Variants in CFAP52 observed in about 807,000 individuals in gnomAD.
The protein encoded by CFAP52 is cilia- and flagella-associated protein 52.
A neutral mutation model predicts 70.5 loss-of-function variants in CFAP52; 57 were observed. The ratio of observed to expected loss-of-function variants is 0.81; its 90% CI spans 0.65 to 1.01. CFAP52 has a LOEUF of 1.01. Ranked by LOEUF, CFAP52 falls within the 50% of genes least tolerant of loss-of-function variation. The pLI is 0.00. For synonymous variants in CFAP52, 267 were observed against 292.5 expected, an observed-to-expected ratio of 0.91 and a Z score of 0.89; for missense variants, 785 against 788.5, an observed-to-expected ratio of 1.00 and a Z score of 0.05.
intron 1 of CFAP52, among the ~76,000 whole-genome samples, chr17:9,580,880 A>G (rs7503761): frequency 0.77 from 116,798 of 152,184 alleles, 45,758 homozygotes; most frequent in East Asian, 0.99. Flanking sequence ...TTCTTAATGA[A>G]GATAATCTTT....
intron 7 of CFAP52, among the ~76,000 whole-genome samples, chr17:9,608,850 T>TG (rs1293703578): frequency 3.9e-5 from 6 of 152,238 alleles, no homozygotes; most frequent in African/African-American, 1.4e-4. Flanking sequence ...CTATGGTCTT[T>TG]GTCCTCCCAG....
At chr17:9,597,232 A>G (rs1325820351) in intron 4 of CFAP52, among the ~76,000 whole-genome samples, 2 of 152,202 alleles carry the variant, frequency 1.3e-5, no homozygotes, top group Non-Finnish European at 2.9e-5. Flanking sequence ...GTCACAAATG[A>G]CAGAATTTCT....
chr17:9,640,405 C>T (rs1057417194), intron 12 of CFAP52, among the ~76,000 whole-genome samples: 1 of 151,280 alleles, frequency 6.6e-6, no homozygotes, highest in Non-Finnish European at 1.5e-5. Flanking sequence ...CACCCACCAC[C>T]CCCCGACAGG....
rs80018635 is a variant in CFAP52 at position 9,578,346 on chromosome 17, C to T, written c.70+1581C>T. 9.7e-3 allele frequency among the ~76,000 whole-genome samples: 1,475 copies of T among 152,224 alleles called. 32 individuals are homozygous for T. Among genetic ancestry groups the T allele is most frequent in the African/African-American group, 0.033 (1,382 of 41,532 alleles). On this transcript the variant is annotated intron_variant, in intron 1 of 13. Transcript: ENST00000352665. ...CTCAGTAAACTGGCCAGAGGTAGTC[C>T]GTGGTGAGTGGTCTTCTTGCCAGGA...
At chr17:9,580,768 G>A (rs1448451340) in intron 1 of CFAP52, among the ~76,000 whole-genome samples, 1 of 138,514 alleles carries the variant, frequency 7.2e-6, no homozygotes, top group Non-Finnish European at 1.6e-5. Flanking sequence ...GAAAAAAAAA[G>A]GGTAATATAA....
chr17:9,637,558 G>A (rs1910867313), intron 11 of CFAP52, among the ~76,000 whole-genome samples: 1 of 152,188 alleles, frequency 6.6e-6, no homozygotes, highest in Non-Finnish European at 1.5e-5. Flanking sequence ...ATCTAAGGCA[G>A]GGGTTCTATT....
chr17:9,625,882 G>A (rs557486040), intron 8 of CFAP52, among the ~76,000 whole-genome samples: 9 of 152,248 alleles, frequency 5.9e-5, no homozygotes, highest in Admixed American at 5.9e-4. Flanking sequence ...ATACTTTTGA[G>A]CCCAGTTTTT....
chr17:9,596,764 G>A (rs1186822249), intron 4 of CFAP52, among the ~76,000 whole-genome samples: 2 of 151,490 alleles, frequency 1.3e-5, no homozygotes, highest in African/African-American at 2.4e-5. Context: ...TGCCAAGGCT[G>A]TAGTGCAGTG....
chr17:9,589,732 CAAAAA>C (rs33978485), intron 3 of CFAP52, among the ~76,000 whole-genome samples: 4 of 127,498 alleles, frequency 3.1e-5, no homozygotes, highest in African/African-American at 6.3e-5. Context: ...GACTCCGTCT[CAAAAA>C]AAAAAAAAAA....
intron 10 of CFAP52, among the ~76,000 whole-genome samples, chr17:9,633,574 T>C (rs892977391): frequency 1.3e-5 from 2 of 152,198 alleles, no homozygotes; most frequent in Non-Finnish European, 2.9e-5. Flanking sequence ...AAGTGTTCTA[T>C]GTGGACTAGA....
intron 7 of CFAP52, among the ~76,000 whole-genome samples, chr17:9,609,275 C>T (rs540077246): frequency 3.3e-5 from 5 of 152,020 alleles, no homozygotes; most frequent in Non-Finnish European, 7.4e-5. Flanking sequence ...AGCTTACATT[C>T]TAGCAGGAAG....
intron 8 of CFAP52, among the ~76,000 whole-genome samples, chr17:9,614,907 T>C (rs994318320): frequency 6.6e-6 from 1 of 152,216 alleles, no homozygotes; most frequent in African/African-American, 2.4e-5. Flanking sequence ...TTACTACTGA[T>C]GCAATTTTGT....
chr17:9,587,991 C>T (rs1908570774), intron 3 of CFAP52, among the ~76,000 whole-genome samples: 1 of 152,168 alleles, frequency 6.6e-6, no homozygotes, highest in African/African-American at 2.4e-5. Flanking sequence ...GGTGTACCTT[C>T]CAAGAGTCCG....
chr17:9,578,098 T>A (rs1313783331), intron 1 of CFAP52, among the ~76,000 whole-genome samples: 1 of 151,924 alleles, frequency 6.6e-6, no homozygotes, highest in African/African-American at 2.4e-5. Context: ...TCTCAAAAAA[T>A]AAATAAATAA....
At chr17:9,589,319 C>T (rs374603537) in intron 3 of CFAP52, among the ~76,000 whole-genome samples, 89 of 152,190 alleles carry the variant, frequency 5.8e-4, no homozygotes, top group African/African-American at 2.0e-3. Context: ...AGTTATATAA[C>T]GATAGTTCTT....
At chr17:9,602,458 TC>T (rs1909313973) in intron 6 of CFAP52, among the ~76,000 whole-genome samples, 1 of 152,162 alleles carries the variant, frequency 6.6e-6, no homozygotes. Flanking sequence ...ATGAACTCAT[TC>T]TTTTTTATGG....
At chr17:9,585,669 T>TCACA (rs371551896) in intron 1 of CFAP52, 104 bp from the exon 2 acceptor site, 553 of 1,085,114 alleles carry the variant, frequency 5.1e-4, no homozygotes, top group African/African-American at 4.4e-3. Context: ...CAAGACTCTG[T>TCACA]CACACACACA....
intron 3 of CFAP52, among the ~76,000 whole-genome samples, chr17:9,591,207 T>C (rs1321991395): frequency 1.9e-5 from 1 of 52,980 alleles, no homozygotes; most frequent in African/African-American, 6.2e-5. Context: ...CTGGCTAATT[T>C]TGCATTTTTA....
chr17:9,600,031 G>A (rs751311669), intron 5 of CFAP52, 36 bp from the exon 6 acceptor site: 10 of 1,592,268 alleles, frequency 6.3e-6, no homozygotes, highest in South Asian at 4.4e-5. Flanking sequence ...GTGAGCCACC[G>A]AGGCTGGCCA....
Sources: allele counts gnomAD v4.1 joint callset (sites outside exome capture counted in the v4.1 genomes callset), GRCh38; gene constraint gnomAD v4.1.1; transcripts MANE v1.5; gene names NCBI Gene and HGNC (gene_info 2026-07-23, HGNC 2026-07-21).